AGO3: variants seen among roughly 807,000 people sequenced by gnomAD.
AGO3 encodes the protein argonaute RISC catalytic component 3.
Under a neutral mutation model 105.5 loss-of-function variants are expected in AGO3, and 16 were observed. The observed-to-expected ratio is 0.15, with a 90% confidence interval of 0.10 to 0.23. The LOEUF is 0.23. Among genes scored for constraint, AGO3 ranks in the 10% least tolerant of loss-of-function variants. AGO3 has a pLI of 1.00. For synonymous variants in AGO3, 340 were observed against 367.3 expected (o/e 0.93, Z 0.85); for missense variants, 534 against 1,088.0 (o/e 0.49, Z 7.16).
intron 11 of AGO3, among the ~76,000 whole-genome samples, chr1:36,022,806 C>T (rs778250368): frequency 3.3e-5 from 5 of 151,934 alleles, no homozygotes; most frequent in Non-Finnish European, 4.4e-5. Flanking sequence ...GTGGTGGACA[C>T]CTGTAATCTC....
In AGO3 at chr1:35,993,533, A is replaced by G. The variant is rs370189096; in HGVS notation, c.659-10808A>G. Among the ~76,000 whole-genome samples the G allele has an allele frequency of 6.6e-5, 10 of 152,236 alleles. No individual in the cohort carries two copies. In the South Asian group the frequency reaches 1.0e-3, roughly 16 times the overall value. On this transcript the variant is annotated intron_variant, in intron 5 of 18. Coordinates refer to ENST00000373191, the MANE Select transcript of AGO3 (RefSeq NM_024852.4). Reference sequence around the variant, plus strand: ...GATAGGTGAAACAAATTCCTTGACAAGCCACACCTTTACCAAAATTGACTC... The same window carrying G: ...GATAGGTGAAACAAATTCCTTGACAGGCCACACCTTTACCAAAATTGACTC...
chr1:35,941,400 A>G (rs965878880), intron 1 of AGO3, among the ~76,000 whole-genome samples: 1 of 152,110 alleles, frequency 6.6e-6, no homozygotes, highest in African/African-American at 2.4e-5. Flanking sequence ...CTGGAGTGAT[A>G]CTTAAAAAAA....
rs2148867214 is a variant in AGO3 at position 36,057,153 on chromosome 1, T to C, written c.*1408T>C. On this transcript the variant is annotated 3_prime_UTR_variant, in exon 19 of 19. Coordinates refer to ENST00000373191, the MANE Select transcript of AGO3 (RefSeq NM_024852.4). ...TGTATTCTGAAGCCTTCTGTTTCTA[T>C]GGGTTATACATGGAAATTCTTTAAA... 1 of 152,302 alleles carries C rather than the reference T, an allele frequency of 6.6e-6. No individual in the cohort carries two copies. The highest frequency in any genetic ancestry group is 1.9e-4 in the East Asian group (1 of 5,190). The allele number at this position is 152,302 out of a possible 1,614,324, so 9.4% of individuals were successfully genotyped here.
Position 36,039,864 on chromosome 1 carries a change from C to T in AGO3, c.1917C>T (p.Ile639=). The change falls in exon 15 of 19, where the codon ATC becomes ATT. Residue 639 remains isoleucine, a synonymous_variant. Coordinates refer to ENST00000373191, the MANE Select transcript of AGO3 (RefSeq NM_024852.4). ...TVRVQRPRQE[I]IQDLASMVRE... ...GAGTTCAGAGACCCCGACAGGAGAT[C>T]ATCCAGGACTTGGCCTCCATGGTCC... 6.2e-7 allele frequency: 1 copy of T among 1,613,894 alleles called. No individual in the cohort carries two copies.
intron 2 of AGO3, among the ~76,000 whole-genome samples, chr1:35,950,861 G>A (rs1276205884): frequency 6.6e-6 from 1 of 152,076 alleles, no homozygotes; most frequent in Non-Finnish European, 1.5e-5. Context: ...TAAAAATTAT[G>A]TATACAACAT....
chr1:36,029,548 C>G (rs950512858), intron 12 of AGO3, among the ~76,000 whole-genome samples: 1 of 151,740 alleles, frequency 6.6e-6, no homozygotes, highest in Non-Finnish European at 1.5e-5. Flanking sequence ...GCACCTGCCA[C>G]CATGTCCAGC....
chr1:36,017,230 G>C (rs1013718661), intron 11 of AGO3, among the ~76,000 whole-genome samples: 4 of 152,180 alleles, frequency 2.6e-5, no homozygotes, highest in South Asian at 2.1e-4. Flanking sequence ...AACCCTAAGA[G>C]TTTGGAGTAT....
At position 36,027,317 on chromosome 1, in the gene AGO3, T is replaced by G; in HGVS notation, c.1591+19T>G. The G allele has an allele frequency of 6.4e-7, 1 of 1,569,234 alleles. No individual in the cohort carries two copies. ...GTGTATGGTAAGGATATCTTAAGAC[T>G]GCATTTTTCCTCAAGTACTTGATGT... On this transcript the variant is annotated intron_variant, in intron 12 of 18. Transcript: ENST00000373191. This position sits in a 1 kb window ranked among gnomAD's most constrained non-coding sequence, Gnocchi z 4.0.
In AGO3 at chr1:36,062,345, A is replaced by G. The variant is rs773850684; in HGVS notation, c.*6600A>G. ...ACCCGGCCCTAATTAGTCATTATTAAGGAGGACTGCTCATAAAGGCAGTAC... is the reference window on the plus strand; with the variant it reads ...ACCCGGCCCTAATTAGTCATTATTAGGGAGGACTGCTCATAAAGGCAGTAC... On this transcript the variant is annotated 3_prime_UTR_variant, in exon 19 of 19. Coordinates refer to ENST00000373191, the MANE Select transcript of AGO3 (RefSeq NM_024852.4). The G allele has an allele frequency of 2.6e-5, 4 of 152,118 alleles. No individual in the cohort carries two copies. The highest frequency in any genetic ancestry group is 5.9e-5 in the Non-Finnish European group (4 of 68,006). The allele number at this position is 152,118 out of a possible 1,614,324, so 9.4% of individuals were successfully genotyped here.
Position 36,054,649 on chromosome 1 carries a change from G to A in AGO3, c.2275-297G>A, listed in dbSNP as rs186699433. 8.3e-3 allele frequency among the ~76,000 whole-genome samples: 1,262 copies of A among 152,300 alleles called. 13 individuals are homozygous for A. Among genetic ancestry groups the A allele is most frequent in the African/African-American group, 0.029 (1,203 of 41,566 alleles). On this transcript the variant is annotated intron_variant, in intron 17 of 18. Transcript: ENST00000373191. ...TAATTCCAGCACTTTGGGAGGCTGA[G>A]GCAGGCAGATCGTTTAAGGTCAGGA...
Position 35,931,356 on chromosome 1 carries a change from C to G in AGO3, c.-71C>G. On this transcript the variant is annotated 5_prime_UTR_variant, in exon 1 of 19. Transcript: ENST00000373191. ...TGCCCGTCGCGTCGCGCCGCGTCGC[C>G]CCCCGGGCCGCCTCCTTGCCGCCAG... The G allele has an allele frequency of 7.3e-7, 1 of 1,366,612 alleles. No homozygotes were observed. Among genetic ancestry groups the G allele is most frequent in the Non-Finnish European group, 9.5e-7 (1 of 1,049,426 alleles). 84.7% of individuals were successfully genotyped at this position (1,366,612 alleles called of 1,614,324 possible).
intron 5 of AGO3, among the ~76,000 whole-genome samples, chr1:35,980,500 C>G (rs1205150206): frequency 1.3e-5 from 2 of 152,204 alleles, no homozygotes; most frequent in Admixed American, 1.3e-4. Flanking sequence ...TGAAATTTTT[C>G]TGGTCATTTG....
intron 2 of AGO3, among the ~76,000 whole-genome samples, chr1:35,953,657 C>CAGAGAATACAGGTGT (rs142884229): frequency 0.24 from 35,791 of 151,786 alleles, 6,993 homozygotes; most frequent in East Asian, 0.69. Context: ...TCCCAAGTAG[C>CAGAGAATACAGGTGT]ATACCACCAT....
chr1:36,000,529 G>A (rs1244853926), intron 5 of AGO3, among the ~76,000 whole-genome samples: 2 of 152,102 alleles, frequency 1.3e-5, no homozygotes, highest in African/African-American at 4.8e-5. Flanking sequence ...AATATTAGTT[G>A]TGAAGGCTGG....
At chr1:35,946,014 G>T in intron 2 of AGO3, 151 bp downstream of exon 2, 1 of 778,694 alleles carries the variant, frequency 1.3e-6, no homozygotes, top group Non-Finnish European at 1.9e-6. Context: ...GTACTTCAGG[G>T]GTGTGATAGT....
chr1:36,036,606 A>G (rs1156400527), intron 14 of AGO3, among the ~76,000 whole-genome samples: 2 of 152,220 alleles, frequency 1.3e-5, no homozygotes, highest in Non-Finnish European at 2.9e-5. Flanking sequence ...TACACTACAT[A>G]TAAGCTTGGT....
rs1029607608 is a variant in AGO3 at position 36,068,280 on chromosome 1, C to T, written c.*12535C>T. The T allele has an allele frequency of 1.3e-5, 2 of 152,176 alleles. No homozygotes were observed. Among genetic ancestry groups the T allele is most frequent in the African/African-American group, 4.8e-5 (2 of 41,430 alleles). The allele number at this position is 152,176 out of a possible 1,614,324, so 9.4% of individuals were successfully genotyped here. On this transcript the variant is annotated 3_prime_UTR_variant, in exon 19 of 19. Transcript: ENST00000373191. Reference sequence around the variant, plus strand: ...AGTATTAATGTTGCAAGTATTATCTCTAGCCATGGAATTTTTTGCTGGCTA... The same window carrying T: ...AGTATTAATGTTGCAAGTATTATCTTTAGCCATGGAATTTTTTGCTGGCTA...
intron 5 of AGO3, among the ~76,000 whole-genome samples, chr1:35,999,910 GT>G (rs143823792): frequency 2.7e-5 from 4 of 148,734 alleles, no homozygotes; most frequent in Admixed American, 6.7e-5. Context: ...TTACCATGGA[GT>G]TTTTTTTTTC....
At chr1:36,013,820 A>G (rs1365964400) in intron 10 of AGO3, 68 bp downstream of exon 10, 2 of 1,601,380 alleles carry the variant, frequency 1.2e-6, no homozygotes, top group Non-Finnish European at 1.7e-6. Flanking sequence ...AAGGCATATC[A>G]GAAATATTTC....
Sources: allele counts gnomAD v4.1 joint callset (sites outside exome capture counted in the v4.1 genomes callset), GRCh38; gene constraint gnomAD v4.1.1; non-coding constraint Gnocchi (gnomAD v3.1); transcripts MANE v1.5; gene names NCBI Gene and HGNC (gene_info 2026-07-23, HGNC 2026-07-21).